Variants in HLCS observed in about 807,000 individuals in gnomAD.
HLCS encodes the protein holocarboxylase synthetase, also known as biotin--protein ligase.
In HLCS, 53 loss-of-function variants were observed where a neutral mutation model predicts 75.0. That is an observed-to-expected ratio of 0.71 (90% CI 0.57 to 0.89). HLCS has a LOEUF of 0.89. Ranked by LOEUF, HLCS falls within the 40% of genes least tolerant of loss-of-function variation. The pLI, the probability that HLCS is intolerant of heterozygous loss-of-function variation, is 0.00. For missense variants in HLCS, 966 were observed against 1,074.0 expected (o/e 0.90, Z 1.41); for synonymous variants, 431 against 428.6 (o/e 1.01, Z -0.07).
rs1470687349 is a variant in HLCS, at chr21:36,752,862, T to C, written c.*1384A>G. On this transcript the variant is annotated 3_prime_UTR_variant, in exon 11 of 11. Transcript: ENST00000674895. The stretch of plus-strand genomic sequence containing the variant: ...GGTAAGACCTGGATAAAGATGGTGC[T>C]AGTTTACAATGAAGGGATTTTGTTC... 6.6e-6 allele frequency: 1 copy of C among 152,288 alleles called. No homozygotes were observed. Among genetic ancestry groups the C allele is most frequent in the Non-Finnish European group, 1.5e-5 (1 of 68,030 alleles). 9.4% of individuals were successfully genotyped at this position (152,288 alleles called of 1,614,324 possible). A position where few individuals can be genotyped will look rare whatever the true frequency, so the allele number is the denominator to read the frequency against.
chr21:36,958,511 G>A (rs1169256302), intron 2 of HLCS, among the ~76,000 whole-genome samples: 4 of 152,186 alleles, frequency 2.6e-5, no homozygotes, highest in East Asian at 1.9e-4. Context: ...TGTCTAGGCC[G>A]GGAACAGTGG....
At chr21:36,911,911 A>G (rs1173582590) in intron 5 of HLCS, among the ~76,000 whole-genome samples, 1 of 151,866 alleles carries the variant, frequency 6.6e-6, no homozygotes, top group Non-Finnish European at 1.5e-5. Flanking sequence ...TCTCTACCAA[A>G]AATACAAAAA....
chr21:36,904,189 A>G (rs1484666699), intron 5 of HLCS, among the ~76,000 whole-genome samples: 1 of 152,204 alleles, frequency 6.6e-6, no homozygotes, highest in African/African-American at 2.4e-5. Flanking sequence ...AAATTCACTC[A>G]AACTATTCAA....
At chr21:36,840,442 T>C (rs1356965653) in intron 6 of HLCS, among the ~76,000 whole-genome samples, 2 of 152,160 alleles carry the variant, frequency 1.3e-5, no homozygotes, top group South Asian at 4.1e-4. Flanking sequence ...ATAGTAATGG[T>C]TTCCTTTGAA....
rs1181085102 is a variant in HLCS, at chr21:36,756,746, A to C, written c.2246T>G (p.Phe749Cys). Reference sequence around the variant, plus strand: ...GGTAGGGTTACTGTTAGTCACATTAAATCCACAGCCTGGACAAAAACAAAC... The same window carrying C: ...GGTAGGGTTACTGTTAGTCACATTACATCCACAGCCTGGACAAAAACAAAC... ...ETFYILIGCG[F>C]NVTNSNPTIC... Residue 749 changes from phenylalanine to cysteine, a missense_variant, in exon 10 of 11, where the codon TTT (phenylalanine) becomes TGT (cysteine). Coordinates refer to ENST00000674895, the MANE Select transcript of HLCS (RefSeq NM_001352514.2). The C allele has an allele frequency of 6.2e-7, 1 of 1,614,136 alleles. No homozygotes were observed. Among genetic ancestry groups the C allele is most frequent in the Non-Finnish European group, 8.5e-7 (1 of 1,180,010 alleles).
At chr21:36,891,193 T>A (rs2064769621) in intron 6 of HLCS, among the ~76,000 whole-genome samples, 1 of 152,222 alleles carries the variant, frequency 6.6e-6, no homozygotes, top group Non-Finnish European at 1.5e-5. Context: ...TCCCACTTAC[T>A]GGCTCAAGTA....
At chr21:36,866,492 G>A (rs546248560) in intron 6 of HLCS, among the ~76,000 whole-genome samples, 11 of 152,248 alleles carry the variant, frequency 7.2e-5, no homozygotes, top group Admixed American at 2.0e-4. Context: ...ACTTAAAATC[G>A]TGCATCTGAC....
Position 36,765,009 on chromosome 21 carries a change from T to TA in HLCS, c.2121+2dup, listed in dbSNP as rs765599043. ...ACATAGAAGGAGACTGAACTGTACC[T>TA]ACCTGATACTCGGGAATGGACCTCA... is the stretch of plus-strand genomic sequence containing the variant. On this transcript the variant is annotated splice_region_variant and intron_variant, in intron 8 of 10. Coordinates refer to ENST00000674895, the MANE Select transcript of HLCS (RefSeq NM_001352514.2). 1.9e-6 allele frequency: 3 copies of TA among 1,614,156 alleles called. No homozygotes were observed. Among genetic ancestry groups the TA allele is most frequent in the Non-Finnish European group, 2.5e-6 (3 of 1,179,968 alleles).
chr21:36,876,870 G>A (rs551453423), intron 6 of HLCS, among the ~76,000 whole-genome samples: 3 of 152,240 alleles, frequency 2.0e-5, no homozygotes, highest in East Asian at 1.9e-4. Context: ...CAACTATGAC[G>A]GTGGACTTCT....
intron 2 of HLCS, among the ~76,000 whole-genome samples, chr21:36,946,367 G>A (rs948472207): frequency 1.1e-4 from 16 of 151,854 alleles, no homozygotes; most frequent in Admixed American, 6.6e-4. Context: ...TCAGCCTCCC[G>A]AGTAGCTGGG....
chr21:36,951,443 C>G (rs2067665134), intron 2 of HLCS, among the ~76,000 whole-genome samples: 2 of 152,208 alleles, frequency 1.3e-5, no homozygotes, highest in African/African-American at 2.4e-5. Flanking sequence ...ATCATCTACC[C>G]TGGAAAGTCC....
chr21:36,798,041 C>T (rs117043429), intron 6 of HLCS, among the ~76,000 whole-genome samples: 4 of 152,106 alleles, frequency 2.6e-5, no homozygotes, highest in Non-Finnish European at 5.9e-5. Flanking sequence ...TAAGCTAACA[C>T]GTGAGCAGAG....
intron 6 of HLCS, among the ~76,000 whole-genome samples, chr21:36,773,301 T>A (rs2060263520): frequency 6.6e-6 from 1 of 152,238 alleles, no homozygotes; most frequent in Non-Finnish European, 1.5e-5. Flanking sequence ...TTTCCCAGGC[T>A]GCCATACCTG....
intron 2 of HLCS, among the ~76,000 whole-genome samples, chr21:36,955,081 GTT>G (rs2067868669): frequency 6.6e-6 from 1 of 152,064 alleles, no homozygotes; most frequent in Non-Finnish European, 1.5e-5. Flanking sequence ...CAACAAAACA[GTT>G]AACTGTAACA....
At chr21:36,979,681 A>G (rs1281134565) in intron 1 of HLCS, among the ~76,000 whole-genome samples, 1 of 152,192 alleles carries the variant, frequency 6.6e-6, no homozygotes, top group Non-Finnish European at 1.5e-5. Context: ...TTGAGAGGCC[A>G]AAGCAGAAGG....
chr21:36,790,134 A>G (rs368355648), intron 6 of HLCS, among the ~76,000 whole-genome samples: 5 of 152,316 alleles, frequency 3.3e-5, no homozygotes, highest in Admixed American at 2.0e-4. Flanking sequence ...GGCCTGGCGC[A>G]GTGGCTCATG....
At chr21:36,965,070 A>G (rs939775710) in intron 1 of HLCS, among the ~76,000 whole-genome samples, 3 of 152,188 alleles carry the variant, frequency 2.0e-5, no homozygotes, top group Non-Finnish European at 2.9e-5. Flanking sequence ...ACCTGAGAAA[A>G]CAGTCATTCA....
intron 5 of HLCS, among the ~76,000 whole-genome samples, chr21:36,905,133 CTG>C (rs2065397186): frequency 6.6e-6 from 1 of 152,204 alleles, no homozygotes; most frequent in Admixed American, 6.5e-5. Context: ...CAATGCCACA[CTG>C]TCTTATTAGA....
chr21:36,952,683 C>T (rs1165573926), intron 2 of HLCS, among the ~76,000 whole-genome samples: 6 of 149,418 alleles, frequency 4.0e-5, no homozygotes, highest in East Asian at 2.0e-4. Flanking sequence ...TCCAACTACC[C>T]GGGAGGCTGA....
Sources: allele counts gnomAD v4.1 joint callset (sites outside exome capture counted in the v4.1 genomes callset), GRCh38; gene constraint gnomAD v4.1.1; transcripts MANE v1.5; gene names NCBI Gene and HGNC (gene_info 2026-07-23, HGNC 2026-07-21).